Variants in TGFB2 observed in about 807,000 individuals in gnomAD.
The protein encoded by TGFB2 is transforming growth factor beta-2 proprotein.
In TGFB2, 13 loss-of-function variants were observed where a neutral mutation model predicts 42.7. The observed-to-expected ratio is 0.30, with a 90% CI of 0.20 to 0.48. TGFB2 has a LOEUF of 0.48. TGFB2 is among the 20% of genes least tolerant of loss of function. The probability of loss-of-function intolerance (pLI) is 0.99; values close to 1 mark genes in which losing one functional copy is unlikely to be tolerated. For missense variants in TGFB2, 390 were observed against 517.5 expected (o/e 0.75, Z 2.39); for synonymous variants, 193 against 193.6 (o/e 1.00, Z 0.03).
At chr1:218,427,856 G>A (rs1659675564) in intron 2 of TGFB2, among the ~76,000 whole-genome samples, 1 of 152,130 alleles carries the variant, frequency 6.6e-6, no homozygotes, top group Admixed American at 6.5e-5. Flanking sequence ...CCCAGTAATG[G>A]GATGGCTGGG....
At chr1:218,400,136 A>G (rs1173371877) in intron 1 of TGFB2, among the ~76,000 whole-genome samples, 1 of 152,108 alleles carries the variant, frequency 6.6e-6, no homozygotes, top group Non-Finnish European at 1.5e-5. Context: ...TAAGAATCCT[A>G]TAACTATATG....
chr1:218,371,904 C>T (rs1372886226), intron 1 of TGFB2, among the ~76,000 whole-genome samples: 1 of 152,130 alleles, frequency 6.6e-6, no homozygotes, highest in African/African-American at 2.4e-5. Context: ...TGAGAATGAC[C>T]CACCAGGGTG....
rs1209113061 is a variant in TGFB2 at position 218,443,523 on chromosome 1, A to G, written c.*2161A>G. ...CAGCCCTTGTGTTGGATGTAACCCA[A>G]TCCCAGATTTGAGTGTGTGTTGATT... On this transcript the variant is annotated 3_prime_UTR_variant, in exon 7 of 7. Transcript: ENST00000366930. 1.3e-5 allele frequency: 2 copies of G among 152,148 alleles called. No homozygotes were observed. Among genetic ancestry groups the G allele is most frequent in the African/African-American group, 4.8e-5 (2 of 41,430 alleles). 9.4% of individuals were successfully genotyped at this position (152,148 alleles called of 1,614,324 possible). A position where few individuals can be genotyped will look rare whatever the true frequency, so the allele number is the denominator to read the frequency against.
At chr1:218,352,176 C>T (rs550653624) in intron 1 of TGFB2, among the ~76,000 whole-genome samples, 3 of 150,906 alleles carry the variant, frequency 2.0e-5, no homozygotes, top group South Asian at 2.1e-4. Context: ...GGTGAGCAGC[C>T]GAGCAAGAGA....
rs1426118429 is a variant in TGFB2, at chr1:218,399,322, A to G, written c.347-5847A>G. Among the ~76,000 whole-genome samples the G allele has an allele frequency of 4.6e-5, 7 of 152,346 alleles. No homozygotes were observed. In the East Asian group the frequency reaches 1.2e-3, roughly 25 times the overall value. On this transcript the variant is annotated intron_variant, in intron 1 of 6. Transcript: ENST00000366930. ...GGGGATGGATAACCCATTTACCATG[A>G]TGTGATTATTAGGCATTGCATGCCT...
intron 1 of TGFB2, among the ~76,000 whole-genome samples, chr1:218,384,720 T>A (rs1163273986): frequency 6.6e-6 from 1 of 152,192 alleles, no homozygotes. Context: ...TTCCTTAAAC[T>A]CAGGGGCTAT....
Position 218,442,130 on chromosome 1 carries a change from C to T in TGFB2, c.*768C>T, listed in dbSNP as rs1357908482. ...AAAGACTGTTAATAAAAGAAACTTT[C>T]AGTCAGAATAAGTCTGTAAGTTTTT... On this transcript the variant is annotated 3_prime_UTR_variant, in exon 7 of 7. Transcript: ENST00000366930. 1 of 151,898 alleles carries T rather than the reference C, an allele frequency of 6.6e-6. No individual in the cohort carries two copies. The highest frequency in any genetic ancestry group is 6.6e-5 in the Admixed American group (1 of 15,254). 9.4% of individuals were successfully genotyped at this position (151,898 alleles called of 1,614,324 possible).
intron 1 of TGFB2, among the ~76,000 whole-genome samples, chr1:218,396,864 T>C (rs1157877251): frequency 6.6e-6 from 1 of 152,236 alleles, no homozygotes; most frequent in African/African-American, 2.4e-5. Context: ...CAAGGCAGAC[T>C]ACTACTGCAA....
At chr1:218,379,877 C>T (rs753260541) in intron 1 of TGFB2, among the ~76,000 whole-genome samples, 13 of 152,096 alleles carry the variant, frequency 8.5e-5, no homozygotes, top group Non-Finnish European at 1.6e-4. Flanking sequence ...AACCAGTTAC[C>T]CTTTGATAAG....
chr1:218,424,748 T>C (rs1659564882), intron 2 of TGFB2, among the ~76,000 whole-genome samples: 1 of 152,216 alleles, frequency 6.6e-6, no homozygotes. Context: ...AGAACAAAGG[T>C]TTTATTTTAC....
intron 2 of TGFB2, among the ~76,000 whole-genome samples, chr1:218,427,021 G>A (rs374684048): frequency 1.3e-5 from 2 of 152,092 alleles, no homozygotes; most frequent in African/African-American, 4.8e-5. Context: ...AGCAACCTGA[G>A]TGTAGGATTC....
rs910316307 is a variant in TGFB2 at position 218,434,064 on chromosome 1, G to A, written c.511-18G>A. 5.0e-6 allele frequency: 8 copies of A among 1,612,018 alleles called. No homozygotes were observed. The highest frequency in any genetic ancestry group is 1.6e-4 in the Middle Eastern group (1 of 6,076). Reference sequence around the variant, plus strand: ...GAATGCCAACTCAGCCTTTTCTCTTGCTCTTTTTCCCCTCCAGATTCTCAA... The same window carrying A: ...GAATGCCAACTCAGCCTTTTCTCTTACTCTTTTTCCCCTCCAGATTCTCAA... On this transcript the variant is annotated intron_variant, in intron 2 of 6. Transcript: ENST00000366930.
At chr1:218,361,018 T>G (rs1213207415) in intron 1 of TGFB2, among the ~76,000 whole-genome samples, 3 of 152,144 alleles carry the variant, frequency 2.0e-5, no homozygotes, top group African/African-American at 7.2e-5. Flanking sequence ...CCACACCCAG[T>G]TCATTTTTGT....
chr1:218,441,297 A>G lies in TGFB2; in HGVS notation c.1180A>G (p.Ile394Val). 1.2e-6 allele frequency: 2 copies of G among 1,613,716 alleles called. No homozygotes were observed. The highest frequency in any genetic ancestry group is 1.7e-6 in the Non-Finnish European group (2 of 1,179,922). ...AGAACCTCTAACCATTCTCTACTAC[A>G]TTGGCAAAACACCCAAGATTGAACA... ...DLEPLTILYY[I>V]GKTPKIEQLS... Residue 394 changes from isoleucine (I) to valine (V), a missense_variant, in exon 7 of 7, where the codon ATT becomes GTT. Ile to Val is a conservative substitution (Grantham distance 29, BLOSUM62 3). Transcript: ENST00000366930.
intron 1 of TGFB2, among the ~76,000 whole-genome samples, chr1:218,375,063 C>T (rs1657695822): frequency 6.6e-6 from 1 of 152,128 alleles, no homozygotes; most frequent in Non-Finnish European, 1.5e-5. Context: ...AAATATCCAA[C>T]AGGCTGAACG....
At chr1:218,369,082 C>T (rs1657484341) in intron 1 of TGFB2, among the ~76,000 whole-genome samples, 1 of 151,608 alleles carries the variant, frequency 6.6e-6, no homozygotes, top group Admixed American at 6.6e-5. Flanking sequence ...TGGTGAAACC[C>T]TGTCTCTACT....
intron 1 of TGFB2, among the ~76,000 whole-genome samples, chr1:218,403,039 T>A (rs1658781481): frequency 6.6e-6 from 1 of 152,228 alleles, no homozygotes; most frequent in African/African-American, 2.4e-5. Flanking sequence ...AGCTACCTTG[T>A]CAAAATGCTG....
chr1:218,416,573 C>G (rs1206140689), intron 2 of TGFB2, among the ~76,000 whole-genome samples: 2 of 152,164 alleles, frequency 1.3e-5, no homozygotes, highest in Non-Finnish European at 2.9e-5. Flanking sequence ...GCTGATTTTA[C>G]TGGTTCTTAT....
intron 1 of TGFB2, among the ~76,000 whole-genome samples, chr1:218,399,950 G>A (rs1158209721): frequency 1.3e-5 from 2 of 152,004 alleles, no homozygotes; most frequent in Non-Finnish European, 2.9e-5. Context: ...CTGACAATAT[G>A]ACCCAATACA....
Sources: allele counts gnomAD v4.1 joint callset (sites outside exome capture counted in the v4.1 genomes callset), GRCh38; gene constraint gnomAD v4.1.1; transcripts MANE v1.5; gene names NCBI Gene and HGNC (gene_info 2026-07-23, HGNC 2026-07-21).